The following SERPINF1 variants were observed in gnomAD, a reference collection of about 807,000 sequenced individuals.
SERPINF1 encodes pigment epithelium-derived factor.
SERPINF1 carries 29 observed loss-of-function variants against 37.3 expected under a neutral mutation model. The observed-to-expected ratio is 0.78, with a 90% CI of 0.58 to 1.06. SERPINF1 has a LOEUF of 1.06. Ranked by LOEUF, SERPINF1 falls within the 50% of genes least tolerant of loss-of-function variation. The pLI is 0.00. For missense variants in SERPINF1, 553 were observed against 532.2 expected, an observed-to-expected ratio of 1.04 and a Z score of -0.38; for synonymous variants, 281 against 227.9, an observed-to-expected ratio of 1.23 and a Z score of -2.10.
At chr17:1,775,316 G>A (rs1260425610) in intron 6 of SERPINF1, 116 bp downstream of exon 6, 4 of 1,068,310 alleles carry the variant, frequency 3.7e-6, no homozygotes, top group East Asian at 2.4e-5. Context: ...CATGTCGCCT[G>A]CTGTGTGACT....
In SERPINF1 at chr17:1,775,207, A is replaced by C; in HGVS notation, c.786+7A>C. The C allele has an allele frequency of 7.4e-7, 1 of 1,344,018 alleles. No homozygotes were observed. Among genetic ancestry groups the C allele is most frequent in the Non-Finnish European group, 1.0e-6 (1 of 968,506 alleles). The allele number at this position is 1,344,018 out of a possible 1,614,324, so 83.3% of individuals were successfully genotyped here. A position where few individuals can be genotyped will look rare whatever the true frequency, so the allele number is the denominator to read the frequency against. ...TTCAGATCTCAGCTGCAAGGTCTGTAGGGATAGGGGCAGGGTGGGGGGTGG... is the reference window on the plus strand; with the variant it reads ...TTCAGATCTCAGCTGCAAGGTCTGTCGGGATAGGGGCAGGGTGGGGGGTGG... On this transcript the variant is annotated splice_region_variant and intron_variant, in intron 6 of 7. Coordinates refer to ENST00000254722, the MANE Select transcript of SERPINF1 (RefSeq NM_002615.7).
At chr17:1,776,951 A>C (rs1908072540) in intron 7 of SERPINF1, among the ~76,000 whole-genome samples, 1 of 151,276 alleles carries the variant, frequency 6.6e-6, no homozygotes, top group South Asian at 2.1e-4. Flanking sequence ...GACCTCCCTG[A>C]CAGGCGCTCA....
chr17:1,770,777 T>C, intron 3 of SERPINF1: 2 of 477,262 alleles, frequency 4.2e-6, no homozygotes, highest in Non-Finnish European at 7.7e-6. Flanking sequence ...TCTTAAGGGC[T>C]ATGATGGGAG....
At chr17:1,772,155 A>G in intron 5 of SERPINF1, 80 bp downstream of exon 5, 1 of 1,459,700 alleles carries the variant, frequency 6.9e-7, no homozygotes, top group Non-Finnish European at 9.3e-7. Flanking sequence ...CTTACTCTGT[A>G]GTCCTAACTG....
In SERPINF1 at chr17:1,772,004, A is replaced by G. The variant is rs1279827537; in HGVS notation, c.572A>G (p.Lys191Arg). 3 of 1,613,666 alleles carry G rather than the reference A, an allele frequency of 1.9e-6. No individual in the cohort carries two copies. The highest frequency in any genetic ancestry group is 2.5e-6 in the Non-Finnish European group (3 of 1,179,996). The change falls in exon 5 of 8, where the codon AAG becomes AGG. Residue 191 changes from lysine to arginine, a missense_variant. Lys to Arg is a conservative substitution (Grantham distance 26, BLOSUM62 2). Coordinates refer to ENST00000254722, the MANE Select transcript of SERPINF1 (RefSeq NM_002615.7). ...TGGGTGCAGGCGCAGATGAAAGGGAAGCTCGCCAGGTCCACAAAGGAAATT... is the reference window on the plus strand; with the variant it reads ...TGGGTGCAGGCGCAGATGAAAGGGAGGCTCGCCAGGTCCACAAAGGAAATT... ...NNWVQAQMKG[K>R]LARSTKEIPD...
intron 3 of SERPINF1, chr17:1,770,542 C>T (rs1216223287): frequency 4.4e-6 from 1 of 225,528 alleles, no homozygotes; most frequent in East Asian, 1.2e-4. Flanking sequence ...TCACTGCAAC[C>T]TCTGCCTCCC....
At chr17:1,767,304 G>A (rs541490209) in intron 2 of SERPINF1, among the ~76,000 whole-genome samples, 40 of 152,214 alleles carry the variant, frequency 2.6e-4, no homozygotes, top group Admixed American at 7.9e-4. Flanking sequence ...CACCAAGCCC[G>A]GCTCATTTTG....
At chr17:1,775,925 C>T (rs1289735354) in intron 6 of SERPINF1, among the ~76,000 whole-genome samples, 1 of 152,222 alleles carries the variant, frequency 6.6e-6, no homozygotes, top group Non-Finnish European at 1.5e-5. Flanking sequence ...GGCTATCACA[C>T]GGATCTCTCT....
chr17:1,766,784 TG>T (rs1907405470), intron 1 of SERPINF1, 118 bp from the exon 2 acceptor site: 2 of 792,566 alleles, frequency 2.5e-6, no homozygotes, highest in Non-Finnish European at 3.9e-6. Flanking sequence ...CTGCAGGGGG[TG>T]GGGGAAAGTG....
In SERPINF1 at chr17:1,776,584, T is replaced by C. The variant is rs1908042615; in HGVS notation, c.839T>C (p.Leu280Pro). The change falls in exon 7 of 8, where the codon CTG (leucine) becomes CCG (proline). Residue 280 changes from leucine to proline, a missense_variant. Coordinates refer to ENST00000254722, the MANE Select transcript of SERPINF1 (RefSeq NM_002615.7). The part of the protein sequence containing the change: ...GSMSIIFFLP[L>P]KVTQNLTLIE... ...ATGAGTATCATCTTCTTCCTGCCCC[T>C]GAAAGTGACCCAGAATTTGACCTTG... 6.2e-7 allele frequency: 1 copy of C among 1,613,912 alleles called. No homozygotes were observed. The highest frequency in any genetic ancestry group is 2.2e-5 in the East Asian group (1 of 44,862).
In SERPINF1 at chr17:1,777,180, T is replaced by A. The variant is rs886052649; in HGVS notation, c.998-7T>A. 1 of 1,614,096 alleles carries A rather than the reference T, an allele frequency of 6.2e-7. No homozygotes were observed. Among genetic ancestry groups the A allele is most frequent in the East Asian group, 2.2e-5 (1 of 44,860 alleles). Reference sequence around the variant, plus strand: ...GTTTTAACGGAAATCTCTCTCCATCTCTACAGAGCTGCAATCCTTGTTTGA... The same window carrying A: ...GTTTTAACGGAAATCTCTCTCCATCACTACAGAGCTGCAATCCTTGTTTGA... On this transcript the variant is annotated splice_polypyrimidine_tract_variant and splice_region_variant and intron_variant, in intron 7 of 7. Transcript: ENST00000254722.
At chr17:1,767,978 T>C (rs12943466) in intron 2 of SERPINF1, among the ~76,000 whole-genome samples, 60,668 of 151,722 alleles carry the variant, frequency 0.4, 14,929 homozygotes, top group African/African-American at 0.7. Context: ...CGGAGCAGGA[T>C]GATCCCTTGA....
At chr17:1,771,771 CCTGCTGA>C in intron 4 of SERPINF1, 94 bp from the exon 5 acceptor site, 1 of 1,130,522 alleles carries the variant, frequency 8.8e-7, no homozygotes, top group East Asian at 2.5e-5. Context: ...GAAGTCAGGG[CCTGCTGA>C]GCGCTAAACC....
intron 7 of SERPINF1, among the ~76,000 whole-genome samples, 153 bp from the exon 8 acceptor site, chr17:1,777,034 G>A (rs1908078828): frequency 6.6e-6 from 1 of 151,686 alleles, no homozygotes; most frequent in South Asian, 2.1e-4. Flanking sequence ...ATGCTCCTGG[G>A]CAAGTCACTC....
intron 1 of SERPINF1, among the ~76,000 whole-genome samples, chr17:1,763,183 G>T (rs1420285096): frequency 6.6e-6 from 1 of 152,184 alleles, no homozygotes; most frequent in Non-Finnish European, 1.5e-5. Context: ...CCTTCCCCAT[G>T]CTATCTCCGA....
rs752352167 is a variant in SERPINF1, at chr17:1,771,136, G to T, written c.391G>T (p.Ala131Ser). ...TAAGGAGCTCCTTGACACGGTCACT[G>T]CCCCCCAGAAGAACCTCAAGAGTGC... ...TYKELLDTVT[A>S]PQKNLKSASR... is the part of the protein sequence containing the mutation. The change falls in exon 4 of 8, where the codon GCC (alanine) becomes TCC (serine). Residue 131 changes from alanine (A) to serine (S), a missense_variant. Transcript: ENST00000254722. 2 of 1,613,998 alleles carry T rather than the reference G, an allele frequency of 1.2e-6. No individual in the cohort carries two copies. The highest frequency in any genetic ancestry group is 3.3e-5 in the Admixed American group (2 of 59,998).
At position 1,777,416 on chromosome 17, in the gene SERPINF1, T is replaced by G. The variant is rs781378188; in HGVS notation, c.1227T>G (p.Ile409Met). The change falls in exon 8 of 8, where the codon ATT becomes ATG. Residue 409 changes from isoleucine to methionine, a missense_variant. Ile to Met is a conservative substitution (Grantham distance 10). Coordinates refer to ENST00000254722, the MANE Select transcript of SERPINF1 (RefSeq NM_002615.7). ...RDTDTGALLF[I>M]GKILDPRGP ...CAGACACAGGGGCCCTTCTCTTCAT[T>G]GGCAAGATTCTGGACCCCAGGGGCC... 6.2e-7 allele frequency: 1 copy of G among 1,614,130 alleles called. No homozygotes were observed. The highest frequency in any genetic ancestry group is 2.2e-5 in the East Asian group (1 of 44,870).
chr17:1,770,397 C>T (rs1907654447), intron 3 of SERPINF1: 1 of 421,562 alleles, frequency 2.4e-6, no homozygotes, highest in Admixed American at 3.8e-5. Flanking sequence ...CTTGCCCTCA[C>T]CGAGGACACA....
chr17:1,770,660 A>G (rs7208539), intron 3 of SERPINF1: 70,266 of 295,172 alleles, frequency 0.24, 8,673 homozygotes, highest in Middle Eastern at 0.3. Context: ...GGGTTTCACC[A>G]TGTTGCCTAG....
Sources: allele counts gnomAD v4.1 joint callset (sites outside exome capture counted in the v4.1 genomes callset), GRCh38; gene constraint gnomAD v4.1.1; transcripts MANE v1.5; gene names NCBI Gene and HGNC (gene_info 2026-07-23, HGNC 2026-07-21).